PCDHA6: variants seen among roughly 807,000 people sequenced by gnomAD.
The protein encoded by PCDHA6 is protocadherin alpha 6, also known as protocadherin alpha-6.
Under a neutral mutation model 60.3 loss-of-function variants are expected in PCDHA6, and 55 were observed. The observed-to-expected ratio is 0.91, with a 90% CI of 0.73 to 1.14. PCDHA6 has a LOEUF of 1.14. PCDHA6 is among the 50% of genes most tolerant of loss of function. PCDHA6 has a pLI of 0.00. For missense variants in PCDHA6, 1,327 were observed against 1,256.5 expected (o/e 1.06, Z -0.85); for synonymous variants, 652 against 557.9 (o/e 1.17, Z -2.38).
At chr5:141,007,891 T>G (rs2098350311) in intron 3 of PCDHA6, among the ~76,000 whole-genome samples, 1 of 152,232 alleles carries the variant, frequency 6.6e-6, no homozygotes, top group Admixed American at 6.5e-5. Flanking sequence ...CTTTAAAAAT[T>G]TATTGTTCTT....
chr5:140,939,807 C>G (rs927084385), intron 1 of PCDHA6, among the ~76,000 whole-genome samples: 1 of 152,088 alleles, frequency 6.6e-6, no homozygotes, highest in African/African-American at 2.4e-5. Context: ...TCTGCATGTT[C>G]AAGAAAAAGC....
intron 1 of PCDHA6, among the ~76,000 whole-genome samples, chr5:140,922,316 A>T (rs983729529): frequency 6.6e-6 from 1 of 152,248 alleles, no homozygotes; most frequent in Non-Finnish European, 1.5e-5. Flanking sequence ...TTCACTGAAG[A>T]TCTTGGAAAG....
intron 1 of PCDHA6, chr5:140,849,963 G>T: frequency 6.3e-7 from 1 of 1,597,872 alleles, no homozygotes; most frequent in Middle Eastern, 1.9e-4. Flanking sequence ...GAACGCCCTG[G>T]TGTCCTACTC....
Position 140,858,148 on chromosome 5 carries a change from C to T in PCDHA6, c.2394+27663C>T, listed in dbSNP as rs189442889. The T allele has an allele frequency of 6.1e-4, 978 of 1,597,640 alleles. 22 individuals are homozygous for T. In the East Asian group the frequency reaches 0.021, roughly 34 times the overall value. On this transcript the variant is annotated intron_variant, in intron 1 of 3. Coordinates refer to ENST00000529310, the MANE Select transcript of PCDHA6 (RefSeq NM_018909.4). ...TGGATGTCAACGTGTACCTGATCAT[C>T]GCCATCTGCGCGGTGTCCAGCTTGC...
chr5:140,846,135 C>T (rs2150384965), intron 1 of PCDHA6, among the ~76,000 whole-genome samples: 2 of 149,570 alleles, frequency 1.3e-5, no homozygotes, highest in African/African-American at 4.9e-5. Context: ...TGTATGTTTC[C>T]CATATTTAAA....
intron 1 of PCDHA6, chr5:140,882,775 C>T (rs1554175564): frequency 2.5e-6 from 4 of 1,614,220 alleles, no homozygotes; most frequent in East Asian, 4.5e-5. Flanking sequence ...CGGCATTGAC[C>T]TACCGACTGG....
At chr5:140,972,612 C>T (rs1554234244) in intron 1 of PCDHA6, among the ~76,000 whole-genome samples, 2 of 151,080 alleles carry the variant, frequency 1.3e-5, no homozygotes, top group African/African-American at 4.9e-5. Context: ...GAACTTGATA[C>T]TGAATGTTGT....
chr5:141,001,359 T>C (rs186629026), intron 3 of PCDHA6, among the ~76,000 whole-genome samples: 4 of 152,344 alleles, frequency 2.6e-5, no homozygotes, highest in Admixed American at 1.3e-4. Context: ...GGTTTAAGCC[T>C]ACTATTCTGA....
chr5:140,853,354 A>G (rs1391288948), intron 1 of PCDHA6: 1 of 982,096 alleles, frequency 1.0e-6, no homozygotes, highest in African/African-American at 1.8e-5. Flanking sequence ...ACATGAACTC[A>G]CAGGGATCCA....
At chr5:140,869,926 G>T in intron 1 of PCDHA6, 1 of 1,611,516 alleles carries the variant, frequency 6.2e-7, no homozygotes, top group Non-Finnish European at 8.5e-7. Flanking sequence ...AGGAGTCAAT[G>T]GAGAGGTAAC....
chr5:141,002,128 C>T (rs1426506599), intron 3 of PCDHA6, among the ~76,000 whole-genome samples: 1 of 152,244 alleles, frequency 6.6e-6, no homozygotes, highest in African/African-American at 2.4e-5. Context: ...ATTTAATAGC[C>T]TTTGCCGGCT....
intron 1 of PCDHA6, chr5:140,867,317 CTAA>C (rs1554161223): frequency 6.6e-6 from 1 of 151,956 alleles, no homozygotes; most frequent in African/African-American, 2.4e-5. Flanking sequence ...GTCATCTGGT[CTAA>C]TGTTATGTTT....
chr5:140,831,748 C>T (rs899662320), intron 1 of PCDHA6, among the ~76,000 whole-genome samples: 2 of 152,008 alleles, frequency 1.3e-5, no homozygotes, highest in Non-Finnish European at 1.5e-5. Context: ...TAAATTTCAT[C>T]GCTACCAATT....
At chr5:140,929,096 C>T (rs113293568) in intron 1 of PCDHA6, 45,094 of 1,614,150 alleles carry the variant, frequency 0.028, 813 homozygotes, top group Non-Finnish European at 0.033. Context: ...GTTTCAAATC[C>T]TTGCATGACA....
chr5:140,909,254 G>T (rs915513119), intron 1 of PCDHA6, among the ~76,000 whole-genome samples: 1 of 152,216 alleles, frequency 6.6e-6, no homozygotes, highest in Non-Finnish European at 1.5e-5. Context: ...TGCTGGCCTT[G>T]CTGACTGAAG....
At chr5:141,003,962 C>G (rs2098144287) in intron 3 of PCDHA6, among the ~76,000 whole-genome samples, 1 of 152,098 alleles carries the variant, frequency 6.6e-6, no homozygotes, top group Non-Finnish European at 1.5e-5. Context: ...ACCCTGGGAG[C>G]ATAAGGGAGG....
rs563116049 is a variant in PCDHA6, at chr5:140,869,756, G to A, written c.2394+39271G>A. ...TTGCTGCTAACAGCTACAGACGGGGGAAAACCAGAGCTTACTGGCACCGTT... is the reference window on the plus strand; with the variant it reads ...TTGCTGCTAACAGCTACAGACGGGGAAAAACCAGAGCTTACTGGCACCGTT... On this transcript the variant is annotated intron_variant, in intron 1 of 3. Coordinates refer to ENST00000529310, the MANE Select transcript of PCDHA6 (RefSeq NM_018909.4). The A allele has an allele frequency of 3.2e-5, 51 of 1,613,194 alleles. No individual in the cohort carries two copies. Among genetic ancestry groups the A allele is most frequent in the Non-Finnish European group, 4.0e-5 (47 of 1,179,718 alleles).
chr5:140,871,257 G>C (rs374337862), intron 1 of PCDHA6: 21 of 1,613,824 alleles, frequency 1.3e-5, no homozygotes, highest in East Asian at 2.2e-5. Context: ...TGCTGTATAC[G>C]GCGCTGTGGT....
rs2150163501 is a variant in PCDHA6 at position 140,829,178 on chromosome 5, G to C, written c.1087G>C (p.Ala363Pro). The change falls in exon 1 of 4, where the codon GCT becomes CCT. Residue 363 changes from alanine (A) to proline (P), a missense_variant. Coordinates refer to ENST00000529310, the MANE Select transcript of PCDHA6 (RefSeq NM_018909.4). ...CTTATCCTTGCCTGTACGTGAAGAC[G>C]CTCAATTTGGTACTGTCATCGCCCT... ...TSLSLPVREDAQFGTVIALIS... is the reference protein window; with the variant it reads ...TSLSLPVREDPQFGTVIALIS... The C allele has an allele frequency of 6.2e-7, 1 of 1,614,150 alleles. No individual in the cohort carries two copies. Among genetic ancestry groups the C allele is most frequent in the South Asian group, 1.1e-5 (1 of 91,086 alleles).
Sources: gnomAD v4.1 joint callset for allele counts (sites outside exome capture counted in the v4.1 genomes callset) on GRCh38, gnomAD v4.1.1 for gene constraint, MANE v1.5 for transcripts, NCBI Gene and HGNC (gene_info 2026-07-23, HGNC 2026-07-21) for gene names.